The following FAF1 variants were observed in gnomAD, a reference collection of about 807,000 sequenced individuals.
The protein encoded by FAF1 is FAS-associated factor 1.
A neutral mutation model predicts 92.5 loss-of-function variants in FAF1; 25 were observed. The ratio of observed to expected loss-of-function variants is 0.27; its 90% CI spans 0.20 to 0.38. The LOEUF is 0.38. Among genes scored for constraint, FAF1 ranks in the 10% least tolerant of loss-of-function variants. The pLI, the probability that FAF1 is intolerant of heterozygous loss-of-function variation, is 1.00. For missense variants in FAF1, 636 were observed against 793.3 expected (o/e 0.80, Z 2.38); for synonymous variants, 234 against 273.2 (o/e 0.86, Z 1.42).
intron 6 of FAF1, among the ~76,000 whole-genome samples, chr1:50,726,486 G>A (rs1303789485): frequency 6.6e-6 from 1 of 152,122 alleles, no homozygotes; most frequent in Non-Finnish European, 1.5e-5. Context: ...CACGAGGTCA[G>A]GAGATCAAGA....
intron 2 of FAF1, among the ~76,000 whole-genome samples, chr1:50,851,711 AAAGT>A (rs980669149): frequency 4.6e-5 from 7 of 152,196 alleles, no homozygotes; most frequent in African/African-American, 1.7e-4. Flanking sequence ...TTCATGCAAT[AAAGT>A]AATTCTAGAA....
chr1:50,441,174 C>T lies in FAF1; in HGVS notation c.*266G>A, dbSNP rs538456318. The T allele has an allele frequency of 3.6e-4, 134 of 367,378 alleles. No individual in the cohort carries two copies. Among genetic ancestry groups the T allele is most frequent in the Non-Finnish European group, 5.0e-4 (101 of 203,816 alleles). 22.8% of individuals were successfully genotyped at this position (367,378 alleles called of 1,614,324 possible). A position where few individuals can be genotyped will look rare whatever the true frequency, so the allele number is the denominator to read the frequency against. ...ATCACTCACACTTGAACAATGCATT[C>T]GTCATTGAAGGAGGGTGAAGTGCAG... On this transcript the variant is annotated 3_prime_UTR_variant, in exon 19 of 19. Transcript: ENST00000396153.
At chr1:50,718,393 A>G (rs914728041) in intron 6 of FAF1, among the ~76,000 whole-genome samples, 4 of 152,206 alleles carry the variant, frequency 2.6e-5, no homozygotes, top group Non-Finnish European at 5.9e-5. Context: ...AGCAAATAAC[A>G]TTATATGTCC....
intron 4 of FAF1, among the ~76,000 whole-genome samples, chr1:50,779,250 T>C (rs1348308748): frequency 6.6e-6 from 1 of 152,162 alleles, no homozygotes; most frequent in Non-Finnish European, 1.5e-5. Context: ...TCCATGAAGG[T>C]TGAAATCAGC....
intron 8 of FAF1, among the ~76,000 whole-genome samples, chr1:50,623,243 T>C (rs1009045915): frequency 6.6e-6 from 1 of 152,068 alleles, no homozygotes; most frequent in African/African-American, 2.4e-5. Flanking sequence ...ATCTTCCATT[T>C]TGAGTGTAGT....
intron 6 of FAF1, among the ~76,000 whole-genome samples, chr1:50,718,243 C>T (rs1461772820): frequency 1.3e-5 from 2 of 152,068 alleles, no homozygotes; most frequent in African/African-American, 4.8e-5. Context: ...GTTGACCAGG[C>T]TGGACTCAAC....
At chr1:50,778,971 T>C (rs976171575) in intron 4 of FAF1, among the ~76,000 whole-genome samples, 46 of 152,288 alleles carry the variant, frequency 3.0e-4, no homozygotes, top group African/African-American at 1.1e-3. Flanking sequence ...ACAGTTGGAG[T>C]CAATTCTCTC....
chr1:50,517,221 G>A (rs1395601870), intron 15 of FAF1, among the ~76,000 whole-genome samples: 2 of 152,006 alleles, frequency 1.3e-5, no homozygotes, highest in African/African-American at 2.4e-5. Context: ...CCCAGCCCCT[G>A]CCCTTACATA....
chr1:50,838,509 T>C (rs1278577972), intron 2 of FAF1, among the ~76,000 whole-genome samples: 1 of 148,240 alleles, frequency 6.7e-6, no homozygotes, highest in African/African-American at 2.4e-5. Flanking sequence ...TTTTGTTATA[T>C]ATATAATTTT....
chr1:50,906,345 T>C (rs1160632562), intron 1 of FAF1, among the ~76,000 whole-genome samples: 18 of 152,228 alleles, frequency 1.2e-4, no homozygotes, highest in Non-Finnish European at 2.9e-5. Flanking sequence ...TGGCTTACTA[T>C]TGTCTTGGCA....
At chr1:50,471,191 T>C (rs986999941) in intron 18 of FAF1, 4 of 152,222 alleles carry the variant, frequency 2.6e-5, no homozygotes, top group Non-Finnish European at 5.9e-5. Flanking sequence ...CCATGTGTTA[T>C]CGATGAAGTC....
intron 6 of FAF1, among the ~76,000 whole-genome samples, chr1:50,716,851 C>A: frequency 6.6e-6 from 1 of 152,186 alleles, no homozygotes; most frequent in East Asian, 1.9e-4. Flanking sequence ...CCAGCAGTGG[C>A]GACCCACTCG....
chr1:50,607,538 C>A (rs1181675118), intron 8 of FAF1, among the ~76,000 whole-genome samples: 1 of 152,130 alleles, frequency 6.6e-6, no homozygotes, highest in African/African-American at 2.4e-5. Context: ...TTGCATGTGC[C>A]TACTCTTAGG....
At chr1:50,718,106 G>A (rs986549704) in intron 6 of FAF1, among the ~76,000 whole-genome samples, 2 of 151,716 alleles carry the variant, frequency 1.3e-5, no homozygotes, top group Admixed American at 6.6e-5. Flanking sequence ...TGCAACCTCC[G>A]CCTCCCGAGT....
chr1:50,813,074 C>T (rs996115201), intron 2 of FAF1, among the ~76,000 whole-genome samples: 5 of 152,004 alleles, frequency 3.3e-5, no homozygotes, highest in African/African-American at 4.8e-5. Context: ...TTGAGAGTGG[C>T]GGGTGGGAGG....
At chr1:50,689,313 A>G (rs1214595326) in intron 7 of FAF1, among the ~76,000 whole-genome samples, 2 of 152,090 alleles carry the variant, frequency 1.3e-5, no homozygotes, top group Non-Finnish European at 2.9e-5. Context: ...GGCCAGGCGC[A>G]GTGGCTCACG....
chr1:50,668,966 T>C (rs978093821), intron 7 of FAF1, among the ~76,000 whole-genome samples: 1 of 152,140 alleles, frequency 6.6e-6, no homozygotes, highest in African/African-American at 2.4e-5. Flanking sequence ...ATCCCTGCCA[T>C]AACCTGCTCT....
intron 2 of FAF1, among the ~76,000 whole-genome samples, chr1:50,831,844 G>A (rs1644156302): frequency 6.7e-6 from 1 of 150,196 alleles, no homozygotes; most frequent in African/African-American, 2.4e-5. Flanking sequence ...CACAGAGAAG[G>A]CCCTGTGAAG....
chr1:50,653,197 C>T (rs994922358), intron 8 of FAF1, among the ~76,000 whole-genome samples: 4 of 151,532 alleles, frequency 2.6e-5, no homozygotes, highest in African/African-American at 4.8e-5. Context: ...CACAAGAAAA[C>T]CACAAACACA....
Sources: gnomAD v4.1 joint callset for allele counts (sites outside exome capture counted in the v4.1 genomes callset) on GRCh38, gnomAD v4.1.1 for gene constraint, MANE v1.5 for transcripts, NCBI Gene and HGNC (gene_info 2026-07-23, HGNC 2026-07-21) for gene names.